The following LIMA1 variants were observed in gnomAD, a reference collection of about 807,000 sequenced individuals.
LIMA1 encodes the protein LIM domain and actin binding 1.
A neutral mutation model predicts 62.6 loss-of-function variants in LIMA1; 52 were observed. The ratio of observed to expected loss-of-function variants is 0.83; its 90% CI spans 0.67 to 1.05. The LOEUF (loss-of-function observed/expected upper bound fraction) is 1.05. LIMA1 is among the 50% of genes least tolerant of loss of function. LIMA1 has a pLI of 0.00. For missense variants in LIMA1, 780 were observed against 902.2 expected (o/e 0.86, Z 1.74); for synonymous variants, 302 against 317.8 (o/e 0.95, Z 0.53).
rs559517608 is a variant in LIMA1 at position 50,248,163 on chromosome 12, T to C, written c.119+470A>G. 5.3e-5 allele frequency among the ~76,000 whole-genome samples: 8 copies of C among 152,340 alleles called. No individual in the cohort carries two copies. The South Asian group carries it at 1.4e-3, about 28-fold the overall frequency. On this transcript the variant is annotated intron_variant, in intron 2 of 10. Coordinates refer to ENST00000341247, the MANE Select transcript of LIMA1 (RefSeq NM_016357.5). Reference sequence around the variant, plus strand: ...TAATTTTAATTAACTTAAACTGAAATAGCCACCTATATAGTGGCTACCACA... The same window carrying C: ...TAATTTTAATTAACTTAAACTGAAACAGCCACCTATATAGTGGCTACCACA...
chr12:50,246,102 TG>T (rs1941844926), intron 2 of LIMA1, among the ~76,000 whole-genome samples: 1 of 151,532 alleles, frequency 6.6e-6, no homozygotes, highest in Non-Finnish European at 1.5e-5. Context: ...CATGGTGACA[TG>T]TGCCTGTAAT....
intron 2 of LIMA1, among the ~76,000 whole-genome samples, chr12:50,246,729 A>G (rs1941854693): frequency 6.6e-6 from 1 of 152,140 alleles, no homozygotes. Context: ...GTATTTTTCC[A>G]TGGCAGACTG....
intron 9 of LIMA1, among the ~76,000 whole-genome samples, chr12:50,191,808 C>A (rs780526126): frequency 3.6e-4 from 54 of 151,348 alleles, no homozygotes; most frequent in Admixed American, 6.6e-4. Context: ...GGCGACAGAG[C>A]GAGACTCTGT....
In LIMA1 at chr12:50,178,040, C is replaced by T. The variant is rs759665659; in HGVS notation, c.1304G>A (p.Arg435Lys). 1 of 1,546,574 alleles carries T rather than the reference C, an allele frequency of 6.5e-7. No individual in the cohort carries two copies. The highest frequency in any genetic ancestry group is 8.7e-7 in the Non-Finnish European group (1 of 1,151,724). Reference sequence around the variant, plus strand: ...ATTGAAGTGAGGCTTACAATAGATTCTTCCATGTAAAGATGCATATGTTCC... The same window carrying T: ...ATTGAAGTGAGGCTTACAATAGATTTTTCCATGTAAAGATGCATATGTTCC... ...SLGTYASLHG[R>K]IYCKPHFNQL... The change falls in exon 11 of 11, where the codon AGA (arginine) becomes AAA (lysine). Residue 435 changes from arginine (R) to lysine (K), a missense_variant. Transcript: ENST00000341247.
At chr12:50,211,318 C>G (rs561988803) in intron 4 of LIMA1, among the ~76,000 whole-genome samples, 1 of 143,806 alleles carries the variant, frequency 7.0e-6, no homozygotes. Context: ...AGCGAAACTC[C>G]GCCCCACCCC....
At chr12:50,208,480 C>T (rs370334490) in intron 4 of LIMA1, among the ~76,000 whole-genome samples, 2 of 150,268 alleles carry the variant, frequency 1.3e-5, no homozygotes, top group East Asian at 2.0e-4. Context: ...AGCAAGACTC[C>T]GTCTCAAAAA....
intron 4 of LIMA1, among the ~76,000 whole-genome samples, chr12:50,213,683 C>T (rs184943083): frequency 6.6e-6 from 1 of 152,334 alleles, no homozygotes; most frequent in Admixed American, 6.5e-5. Flanking sequence ...TCTGGATACA[C>T]ACCTGTGTTG....
chr12:50,181,860 A>G, intron 10 of LIMA1, 44 bp downstream of exon 10: 2 of 1,609,330 alleles, frequency 1.2e-6, no homozygotes, highest in Non-Finnish European at 1.7e-6. Flanking sequence ...GACTCCCTCT[A>G]GAGTTCCAGT....
chr12:50,194,724 A>G (rs1940890372), intron 8 of LIMA1, among the ~76,000 whole-genome samples: 1 of 152,056 alleles, frequency 6.6e-6, no homozygotes, highest in African/African-American at 2.4e-5. Flanking sequence ...CAACAAAGTG[A>G]GACCTTTTCT....
At chr12:50,180,226 G>A (rs1437182483) in intron 10 of LIMA1, among the ~76,000 whole-genome samples, 1 of 151,938 alleles carries the variant, frequency 6.6e-6, no homozygotes, top group African/African-American at 2.4e-5. Context: ...CTTGAACCTG[G>A]GAGGTGGAGG....
chr12:50,236,997 G>A (rs1246952072), intron 2 of LIMA1, among the ~76,000 whole-genome samples: 1 of 152,166 alleles, frequency 6.6e-6, no homozygotes, highest in African/African-American at 2.4e-5. Context: ...TTACATTGCT[G>A]GTGGGAAGGT....
chr12:50,233,985 C>T (rs1253098766), intron 2 of LIMA1, among the ~76,000 whole-genome samples: 1 of 151,964 alleles, frequency 6.6e-6, no homozygotes, highest in East Asian at 1.9e-4. Context: ...CTTAGAGATG[C>T]AAAAATAGTG....
intron 1 of LIMA1, among the ~76,000 whole-genome samples, chr12:50,251,693 C>T (rs1480690063): frequency 1.3e-5 from 2 of 150,328 alleles, no homozygotes; most frequent in East Asian, 1.9e-4. Context: ...ATACCGAGCA[C>T]GATAAAGAAA....
chr12:50,219,990 C>A (rs1190249797), intron 4 of LIMA1, among the ~76,000 whole-genome samples: 1 of 151,954 alleles, frequency 6.6e-6, no homozygotes, highest in Non-Finnish European at 1.5e-5. Context: ...CAGCCTCTTC[C>A]ATCTTCCTAT....
chr12:50,206,869 G>T (rs1279047165), intron 4 of LIMA1, among the ~76,000 whole-genome samples: 2 of 151,976 alleles, frequency 1.3e-5, no homozygotes, highest in African/African-American at 4.8e-5. Context: ...CTCACTAAGG[G>T]CAGAGACCAT....
At chr12:50,266,002 T>C (rs567725371) in intron 1 of LIMA1, among the ~76,000 whole-genome samples, 2 of 152,094 alleles carry the variant, frequency 1.3e-5, no homozygotes, top group East Asian at 3.8e-4. Context: ...TCCTTCACTG[T>C]CTAGGCTCCT....
At chr12:50,190,175 G>A (rs1430680842) in intron 9 of LIMA1, 1 of 148,010 alleles carries the variant, frequency 6.8e-6, no homozygotes, top group African/African-American at 2.5e-5. Flanking sequence ...GCACTACTGC[G>A]CCCAGCTAAT....
At chr12:50,230,374 A>G (rs1941591899) in intron 3 of LIMA1, among the ~76,000 whole-genome samples, 1 of 152,012 alleles carries the variant, frequency 6.6e-6, no homozygotes, top group African/African-American at 2.4e-5. Flanking sequence ...CTTTTGCACT[A>G]GAATGTAAAT....
intron 4 of LIMA1, among the ~76,000 whole-genome samples, chr12:50,209,472 G>A (rs1001531312): frequency 1.5e-4 from 23 of 151,088 alleles, no homozygotes; most frequent in Admixed American, 2.0e-4. Context: ...AGGAGGCTGA[G>A]GTTGAGAATC....
Sources: gnomAD v4.1 joint callset for allele counts (sites outside exome capture counted in the v4.1 genomes callset) on GRCh38, gnomAD v4.1.1 for gene constraint, MANE v1.5 for transcripts, NCBI Gene and HGNC (gene_info 2026-07-23, HGNC 2026-07-21) for gene names.